The following PPP2R2B variants were observed in gnomAD, a reference collection of about 807,000 sequenced individuals.
PPP2R2B encodes the protein protein phosphatase 2 regulatory subunit Bbeta, also known as serine/threonine-protein phosphatase 2A 55 kDa regulatory subunit B beta isoform.
In PPP2R2B, 5 loss-of-function variants were observed where a neutral mutation model predicts 46.0. That is an observed-to-expected ratio of 0.11 (90% CI 0.06 to 0.23). The LOEUF (loss-of-function observed/expected upper bound fraction) is 0.23, where lower values mean the gene tolerates loss of function less well. Ranked by LOEUF, PPP2R2B falls within the 10% of genes least tolerant of loss-of-function variation. PPP2R2B has a pLI of 1.00. For missense variants in PPP2R2B, 367 were observed against 575.0 expected (o/e 0.64, Z 3.70); for synonymous variants, 215 against 206.7 (o/e 1.04, Z -0.34).
At chr5:146,620,755 T>C (rs1277729034) in intron 7 of PPP2R2B, among the ~76,000 whole-genome samples, 5 of 152,032 alleles carry the variant, frequency 3.3e-5, no homozygotes, top group African/African-American at 4.8e-5. Flanking sequence ...GATAGCATGC[T>C]CTCCCCTCCC....
chr5:146,861,547 T>G (rs1464500821), intron 2 of PPP2R2B, among the ~76,000 whole-genome samples: 1 of 152,220 alleles, frequency 6.6e-6, no homozygotes, highest in Admixed American at 6.5e-5. Flanking sequence ...TTCGCTACAT[T>G]AATTCCCAGA....
At chr5:146,794,590 T>C (rs1371326743) in intron 2 of PPP2R2B, among the ~76,000 whole-genome samples, 1 of 152,126 alleles carries the variant, frequency 6.6e-6, no homozygotes, top group Admixed American at 6.6e-5. Flanking sequence ...TTCTCAGAAA[T>C]GCGCATATAA....
At chr5:146,652,551 A>T (rs988457421) in intron 5 of PPP2R2B, among the ~76,000 whole-genome samples, 2 of 152,162 alleles carry the variant, frequency 1.3e-5, no homozygotes, top group East Asian at 3.9e-4. Flanking sequence ...TTCCCTGAGA[A>T]TGTATGTATT....
chr5:146,723,317 G>A (rs182170484), intron 2 of PPP2R2B, among the ~76,000 whole-genome samples: 12 of 152,202 alleles, frequency 7.9e-5, no homozygotes, highest in Non-Finnish European at 1.2e-4. Context: ...GCTACATCCC[G>A]TCAGTCATTC....
intron 1 of PPP2R2B, among the ~76,000 whole-genome samples, chr5:146,901,363 G>T (rs1011364799): frequency 7.9e-5 from 12 of 152,024 alleles, no homozygotes; most frequent in Admixed American, 7.2e-4. Flanking sequence ...AAATTAGCCA[G>T]GTGTTGTGAC....
At chr5:146,944,186 G>A (rs1291129262) in intron 1 of PPP2R2B, among the ~76,000 whole-genome samples, 2 of 152,116 alleles carry the variant, frequency 1.3e-5, no homozygotes, top group African/African-American at 2.4e-5. Flanking sequence ...AGTGCAATAC[G>A]CTGAGACGTC....
chr5:146,785,745 A>T (rs576092418), intron 2 of PPP2R2B, among the ~76,000 whole-genome samples: 2 of 152,308 alleles, frequency 1.3e-5, no homozygotes, highest in African/African-American at 4.8e-5. Context: ...ACAGTTGAGG[A>T]GTTAATAGAA....
At chr5:146,609,246 C>T (rs973370936) in intron 7 of PPP2R2B, among the ~76,000 whole-genome samples, 6 of 152,164 alleles carry the variant, frequency 3.9e-5, no homozygotes, top group Non-Finnish European at 7.3e-5. Flanking sequence ...GCTAGTATCA[C>T]GCTGAATGGG....
At chr5:146,752,573 T>C (rs1313152891) in intron 2 of PPP2R2B, among the ~76,000 whole-genome samples, 3 of 152,210 alleles carry the variant, frequency 2.0e-5, no homozygotes, top group African/African-American at 7.2e-5. Context: ...TAGTACCTAA[T>C]TCAGTGCCTG....
At chr5:146,858,355 A>G (rs1365746972) in intron 2 of PPP2R2B, among the ~76,000 whole-genome samples, 2 of 152,176 alleles carry the variant, frequency 1.3e-5, no homozygotes, top group Non-Finnish European at 2.9e-5. Flanking sequence ...AAAAACAACC[A>G]ACTACTCACT....
chr5:146,673,644 T>C (rs987665537), intron 5 of PPP2R2B, among the ~76,000 whole-genome samples: 8 of 152,178 alleles, frequency 5.3e-5, no homozygotes, highest in Non-Finnish European at 8.8e-5. Flanking sequence ...ACTAAGACCC[T>C]TGACTTTAAC....
chr5:146,657,664 A>C (rs1352125561), intron 5 of PPP2R2B, among the ~76,000 whole-genome samples: 1 of 114,134 alleles, frequency 8.8e-6, no homozygotes, highest in Non-Finnish European at 2.0e-5. Flanking sequence ...TGTACTATGC[A>C]ATTCATAAAC....
chr5:147,040,878 T>C, intron 1 of PPP2R2B: 1 of 418,438 alleles, frequency 2.4e-6, no homozygotes, highest in Non-Finnish European at 4.6e-6. Flanking sequence ...TAAAAATACC[T>C]TGAGGCTGGT....
At chr5:147,019,863 T>C (rs1318257619) in intron 1 of PPP2R2B, among the ~76,000 whole-genome samples, 2 of 152,182 alleles carry the variant, frequency 1.3e-5, no homozygotes, top group African/African-American at 4.8e-5. Flanking sequence ...TTCTTCTGTA[T>C]GAGAGCTATG....
intron 2 of PPP2R2B, chr5:146,706,350 G>A (rs1779851793): frequency 1.6e-6 from 1 of 606,800 alleles, no homozygotes; most frequent in Non-Finnish European, 3.0e-6. Flanking sequence ...CCGTAGCTGA[G>A]GCCAGAGCCT....
At chr5:146,996,395 T>C (rs1753924095) in intron 1 of PPP2R2B, among the ~76,000 whole-genome samples, 1 of 152,048 alleles carries the variant, frequency 6.6e-6, no homozygotes, top group Non-Finnish European at 1.5e-5. Context: ...GTGATGTGGG[T>C]GGGCTATAGT....
intron 5 of PPP2R2B, among the ~76,000 whole-genome samples, chr5:146,665,288 A>G (rs184936152): frequency 6.6e-6 from 1 of 152,190 alleles, no homozygotes; most frequent in African/African-American, 2.4e-5. Context: ...AGCCACCGCC[A>G]CCCATGATCT....
chr5:146,606,339 T>C (rs1464239967), intron 7 of PPP2R2B, among the ~76,000 whole-genome samples: 3 of 152,196 alleles, frequency 2.0e-5, no homozygotes, highest in African/African-American at 7.2e-5. Flanking sequence ...CAGCTGATCC[T>C]GAAGGCCTGT....
At chr5:146,618,618 A>T (rs1773415237) in intron 7 of PPP2R2B, among the ~76,000 whole-genome samples, 1 of 152,194 alleles carries the variant, frequency 6.6e-6, no homozygotes, top group Non-Finnish European at 1.5e-5. Context: ...CCCCAGGGCC[A>T]GTTCCCTTTC....
Sources: allele counts gnomAD v4.1 joint callset (sites outside exome capture counted in the v4.1 genomes callset), GRCh38; gene constraint gnomAD v4.1.1; transcripts MANE v1.5; gene names NCBI Gene and HGNC (gene_info 2026-07-23, HGNC 2026-07-21).